The following KCNIP4 variants were observed in gnomAD, a reference collection of about 807,000 sequenced individuals.
KCNIP4 encodes the protein potassium voltage-gated channel interacting protein 4.
Under a neutral mutation model 34.0 loss-of-function variants are expected in KCNIP4, and 12 were observed. That is an observed-to-expected ratio of 0.35 (90% CI 0.23 to 0.57). The LOEUF is 0.57. KCNIP4 is among the 20% of genes least tolerant of loss of function. KCNIP4 has a pLI of 0.83. For synonymous variants in KCNIP4, 124 were observed against 102.2 expected (o/e 1.21, Z -1.29); for missense variants, 238 against 311.7 (o/e 0.76, Z 1.78).
chr4:21,102,208 C>T (rs1376492486), intron 1 of KCNIP4, among the ~76,000 whole-genome samples: 1 of 152,106 alleles, frequency 6.6e-6, no homozygotes, highest in Admixed American at 6.6e-5. Flanking sequence ...TTTAGCTATA[C>T]ATCATTATTT....
chr4:21,757,272 GAAAAGAAA>G (rs1717721892), intron 1 of KCNIP4, among the ~76,000 whole-genome samples: 1 of 79,560 alleles, frequency 1.3e-5, no homozygotes, highest in African/African-American at 3.3e-5. Context: ...GAAAAGAAAA[GAAAAGAAA>G]AGAAAAGAGA....
chr4:21,047,585 A>T (rs1349389440), intron 1 of KCNIP4, among the ~76,000 whole-genome samples: 1 of 152,212 alleles, frequency 6.6e-6, no homozygotes, highest in Admixed American at 6.5e-5. Flanking sequence ...CTCTGACTCC[A>T]AACGTATGTA....
Position 20,732,693 on chromosome 4 carries a change from T to G in KCNIP4, c.630A>C (p.Glu210Asp). 6.2e-7 allele frequency: 1 copy of G among 1,609,568 alleles called. No individual in the cohort carries two copies. Among genetic ancestry groups the G allele is most frequent in the Non-Finnish European group, 8.5e-7 (1 of 1,176,100 alleles). The change falls in exon 7 of 9, where the codon GAA becomes GAC. Residue 210 changes from glutamate (E) to aspartate (D), a missense_variant. Physicochemically the swap from Glu to Asp is conservative, Grantham distance 45 (BLOSUM62 2). Transcript: ENST00000382152. ...TTTTAATTCCTACCTGAAAAAATGT[T>G]TCAACGTGTTGTCTGGGAGCATCTT... ...LKEDAPRQHV[E>D]TFFQKMDKNK...
At chr4:20,980,808 A>G (rs1459635554) in intron 1 of KCNIP4, among the ~76,000 whole-genome samples, 3 of 146,072 alleles carry the variant, frequency 2.1e-5, no homozygotes, top group Admixed American at 6.7e-5. Context: ...CTTCTCCACC[A>G]TAAAAAAAAA....
In KCNIP4 at chr4:20,977,845, A is replaced by C. The variant is rs1179824348; in HGVS notation, c.62-95136T>G. 2.0e-5 allele frequency among the ~76,000 whole-genome samples: 3 copies of C among 152,298 alleles called. No homozygotes were observed. In the East Asian group the frequency reaches 5.8e-4, roughly 29 times the overall value. On this transcript the variant is annotated intron_variant, in intron 1 of 8. Coordinates refer to ENST00000382152, the MANE Select transcript of KCNIP4 (RefSeq NM_025221.6). ...ACTTATCTTTTTGCAGCCTTCCCCA[A>C]AATCTTCTAGATGGCTCCTCTCTTT... is the stretch of plus-strand genomic sequence containing the variant.
intron 1 of KCNIP4, among the ~76,000 whole-genome samples, chr4:21,665,382 G>T (rs1748769248): frequency 6.6e-6 from 1 of 152,066 alleles, no homozygotes; most frequent in Non-Finnish European, 1.5e-5. Flanking sequence ...AAGACTAAAT[G>T]CATAGGAATG....
chr4:21,103,352 AAT>A (rs1018719130), intron 1 of KCNIP4, among the ~76,000 whole-genome samples: 30 of 146,820 alleles, frequency 2.0e-4, no homozygotes, highest in African/African-American at 7.4e-4. Context: ...ATATACATAT[AAT>A]ATATATAATA....
rs561562356 is a variant in KCNIP4 at position 21,415,781 on chromosome 4, C to T, written c.61+532790G>A. 7.2e-5 allele frequency among the ~76,000 whole-genome samples: 11 copies of T among 152,088 alleles called. 1 individual carries two copies. The South Asian group carries it at 1.2e-3, about 17-fold the overall frequency. On this transcript the variant is annotated intron_variant, in intron 1 of 8. Transcript: ENST00000382152. ...TTTAAATGGTCTCACTACACACACA[C>T]GTACAAACACAAATGGACACAAAAC...
In KCNIP4 at chr4:21,271,963, C is replaced by T. The variant is rs150492559; in HGVS notation, c.62-389254G>A. Reference sequence around the variant, plus strand: ...TGCTTTCTTCATCAGCAACCCCATACATTTTACTGTATTTTTAAAAAATTG... The same window carrying T: ...TGCTTTCTTCATCAGCAACCCCATATATTTTACTGTATTTTTAAAAAATTG... On this transcript the variant is annotated intron_variant, in intron 1 of 8. Coordinates refer to ENST00000382152, the MANE Select transcript of KCNIP4 (RefSeq NM_025221.6). 1.7e-3 allele frequency among the ~76,000 whole-genome samples: 256 copies of T among 152,234 alleles called. 1 individual carries two copies. Among genetic ancestry groups the T allele is most frequent in the Non-Finnish European group, 2.8e-3 (191 of 68,008 alleles).
At chr4:21,709,326 G>A (rs1027233000) in intron 1 of KCNIP4, among the ~76,000 whole-genome samples, 1 of 152,170 alleles carries the variant, frequency 6.6e-6, no homozygotes, top group Non-Finnish European at 1.5e-5. Flanking sequence ...TTCAGATGAC[G>A]TTAAGATACA....
intron 1 of KCNIP4, among the ~76,000 whole-genome samples, chr4:21,714,813 T>A (rs1361954817): frequency 2.8e-3 from 1 of 352 alleles, no homozygotes; most frequent in Non-Finnish European, 5.8e-3. Flanking sequence ...TATTTTATTT[T>A]ATTTTATTTT....
At chr4:21,828,243 C>T (rs992499950) in intron 1 of KCNIP4, among the ~76,000 whole-genome samples, 32 of 151,368 alleles carry the variant, frequency 2.1e-4, no homozygotes, top group Non-Finnish European at 4.3e-4. Context: ...AATGATTAAA[C>T]GGATTAGACA....
chr4:21,514,807 T>A (rs1020711197), intron 1 of KCNIP4, among the ~76,000 whole-genome samples: 1 of 152,162 alleles, frequency 6.6e-6, no homozygotes, highest in Admixed American at 6.6e-5. Context: ...GTGGAAAATA[T>A]AGGCTCTCCA....
At chr4:20,979,926 G>A (rs571292538) in intron 1 of KCNIP4, among the ~76,000 whole-genome samples, 5 of 152,186 alleles carry the variant, frequency 3.3e-5, no homozygotes, top group African/African-American at 9.6e-5. Context: ...TCCAATTCAC[G>A]GTCCTAATCC....
chr4:20,942,423 A>G (rs1444186404), intron 1 of KCNIP4, among the ~76,000 whole-genome samples: 1 of 152,192 alleles, frequency 6.6e-6, no homozygotes, highest in Non-Finnish European at 1.5e-5. Flanking sequence ...AACATCTCCA[A>G]GGATGCAGAG....
intron 1 of KCNIP4, among the ~76,000 whole-genome samples, chr4:20,908,000 T>C (rs532322580): frequency 1.3e-5 from 2 of 152,300 alleles, no homozygotes; most frequent in South Asian, 4.1e-4. Flanking sequence ...TACTGCACAT[T>C]ATTGTAATGT....
intron 1 of KCNIP4, among the ~76,000 whole-genome samples, chr4:21,319,291 C>T (rs1449052109): frequency 6.6e-6 from 1 of 152,210 alleles, no homozygotes; most frequent in African/African-American, 2.4e-5. Flanking sequence ...ATCATGTCTG[C>T]AGTCAGAATG....
intron 1 of KCNIP4, among the ~76,000 whole-genome samples, chr4:21,125,207 T>TTTTATTTTAA (rs1750517306): frequency 6.9e-6 from 1 of 145,824 alleles, no homozygotes; most frequent in African/African-American, 2.6e-5. Context: ...TTTTATTTTA[T>TTTTATTTTAA]TTTATTTTAT....
At chr4:21,563,145 C>T (rs1397652956) in intron 1 of KCNIP4, among the ~76,000 whole-genome samples, 3 of 151,790 alleles carry the variant, frequency 2.0e-5, no homozygotes, top group Admixed American at 6.6e-5. Context: ...TTTTGCAATG[C>T]TAATAACTAC....
Sources: allele counts gnomAD v4.1 joint callset (sites outside exome capture counted in the v4.1 genomes callset), GRCh38; gene constraint gnomAD v4.1.1; transcripts MANE v1.5; gene names NCBI Gene and HGNC (gene_info 2026-07-23, HGNC 2026-07-21).